The following CBFA2T2 variants were observed in gnomAD, a reference collection of about 807,000 sequenced individuals.
The protein encoded by CBFA2T2 is CBFA2/RUNX1 partner transcriptional co-repressor 2, also known as protein CBFA2T2.
Under a neutral mutation model 62.2 loss-of-function variants are expected in CBFA2T2, and 11 were observed. The ratio of observed to expected loss-of-function variants is 0.18; its 90% CI spans 0.11 to 0.29. The LOEUF is 0.29. Ranked by LOEUF, CBFA2T2 falls within the 10% of genes least tolerant of loss-of-function variation. The probability of loss-of-function intolerance (pLI) is 1.00; values close to 1 mark genes in which losing one functional copy is unlikely to be tolerated. For missense variants in CBFA2T2, 592 were observed against 774.1 expected (o/e 0.76, Z 2.79); for synonymous variants, 295 against 287.5 (o/e 1.03, Z -0.27).
chr20:33,644,241 A>G lies in CBFA2T2; in HGVS notation c.1489-106A>G, dbSNP rs950931295. 2.3e-6 allele frequency: 3 copies of G among 1,303,640 alleles called. No homozygotes were observed. The East Asian group carries it at 7.1e-5, about 31-fold the overall frequency. 80.8% of individuals were successfully genotyped at this position (1,303,640 alleles called of 1,614,324 possible). On this transcript the variant is annotated intron_variant, in intron 10 of 10. Transcript: ENST00000342704. The stretch of plus-strand genomic sequence containing the variant: ...TTGACCACAGGTGTATGTAGTTCCA[A>G]AGCTGGGGTTCTCTACATACAGCCC...
intron 1 of CBFA2T2, among the ~76,000 whole-genome samples, chr20:33,558,070 A>G (rs1162744362): frequency 6.9e-6 from 1 of 145,892 alleles, no homozygotes; most frequent in Admixed American, 6.8e-5. Flanking sequence ...CTCGTGATCC[A>G]CTCGTCTCGG....
At chr20:33,553,528 A>G (rs1342878322) in intron 1 of CBFA2T2, among the ~76,000 whole-genome samples, 1 of 152,220 alleles carries the variant, frequency 6.6e-6, no homozygotes, top group East Asian at 1.9e-4. Context: ...CACCATGCCC[A>G]GCCAGAGTTT....
chr20:33,588,168 A>G (rs2146922417), intron 1 of CBFA2T2, among the ~76,000 whole-genome samples: 1 of 152,304 alleles, frequency 6.6e-6, no homozygotes, highest in East Asian at 1.9e-4. Context: ...CTGTGAAGCC[A>G]TCAACACAAA....
At chr20:33,549,182 A>T (rs1279204010) in intron 1 of CBFA2T2, among the ~76,000 whole-genome samples, 3 of 152,232 alleles carry the variant, frequency 2.0e-5, no homozygotes, top group Non-Finnish European at 4.4e-5. Flanking sequence ...AAAAATTATT[A>T]AAAACTATTT....
intron 1 of CBFA2T2, among the ~76,000 whole-genome samples, chr20:33,514,736 C>T (rs1394883163): frequency 2.0e-5 from 3 of 151,774 alleles, no homozygotes; most frequent in Non-Finnish European, 4.4e-5. Context: ...CTTGCTCTGT[C>T]CTATAGGCTG....
intron 1 of CBFA2T2, among the ~76,000 whole-genome samples, chr20:33,598,352 G>A (rs1444194647): frequency 6.6e-6 from 1 of 152,108 alleles, no homozygotes; most frequent in Admixed American, 6.5e-5. Context: ...ACCTAGGGGG[G>A]CCGTTTATAA....
chr20:33,558,341 A>G (rs370448157), intron 1 of CBFA2T2, among the ~76,000 whole-genome samples: 26 of 152,116 alleles, frequency 1.7e-4, no homozygotes, highest in African/African-American at 6.3e-4. Context: ...CATGTTGGCC[A>G]GGCTGGTCTC....
chr20:33,505,270 A>G (rs1456255043), intron 1 of CBFA2T2, among the ~76,000 whole-genome samples: 1 of 152,210 alleles, frequency 6.6e-6, no homozygotes, highest in Non-Finnish European at 1.5e-5. Flanking sequence ...CCTCAAATTC[A>G]TAAGCAGTGC....
At position 33,636,645 on chromosome 20, in the gene CBFA2T2, CAGAG is replaced by C. The variant is rs750091707; in HGVS notation, c.1239_1242del (p.Arg413SerfsTer23). The stretch of plus-strand genomic sequence containing the variant: ...TTTTTATGTCTCTTCTGCAGATTCT[CAGAG>C]AGAGTTCAACAGCAGGCCAGGTACA... On this transcript the variant is annotated frameshift_variant, in exon 9 of 11. Coordinates refer to ENST00000342704, the MANE Select transcript of CBFA2T2 (RefSeq NM_001032999.3). LOFTEE classifies it high-confidence loss of function. The C allele has an allele frequency of 1.2e-6, 2 of 1,612,992 alleles. No individual in the cohort carries two copies. The highest frequency in any genetic ancestry group is 2.2e-5 in the East Asian group (1 of 44,862).
At chr20:33,534,474 G>A (rs1481810211) in intron 1 of CBFA2T2, among the ~76,000 whole-genome samples, 2 of 151,846 alleles carry the variant, frequency 1.3e-5, no homozygotes, top group African/African-American at 2.4e-5. Flanking sequence ...CACCACGCCC[G>A]GCTAATTTTT....
intron 1 of CBFA2T2, among the ~76,000 whole-genome samples, chr20:33,559,434 A>T (rs2013018446): frequency 6.6e-6 from 1 of 151,996 alleles, no homozygotes; most frequent in Admixed American, 6.6e-5. Context: ...TCAGCCTCCC[A>T]AGGTGCTGGG....
At chr20:33,499,503 T>G (rs917646789) in intron 1 of CBFA2T2, among the ~76,000 whole-genome samples, 2 of 152,196 alleles carry the variant, frequency 1.3e-5, no homozygotes, top group African/African-American at 4.8e-5. Context: ...TGTTTCTGGA[T>G]TTTATTAAGG....
At chr20:33,628,251 G>T in intron 6 of CBFA2T2, 99 bp from the exon 7 acceptor site, 1 of 812,192 alleles carries the variant, frequency 1.2e-6, no homozygotes. Context: ...TTAGTAGTGT[G>T]ATCAAAGTTA....
At position 33,547,445 on chromosome 20, in the gene CBFA2T2, G is replaced by A. The variant is rs146367081; in HGVS notation, c.34+57144G>A. Among the ~76,000 whole-genome samples the A allele has an allele frequency of 6.1e-3, 935 of 152,334 alleles. 5 individuals carry two copies. Among genetic ancestry groups the A allele is most frequent in the Admixed American group, 9.9e-3 (151 of 15,302 alleles). ...ATGGCCAGTGCTGTTGCTCATGCCT[G>A]TAATCCCAGCACTTTGGGAGGCTTA... is the stretch of plus-strand genomic sequence containing the variant. On this transcript the variant is annotated intron_variant, in intron 1 of 10. Coordinates refer to ENST00000342704, the MANE Select transcript of CBFA2T2 (RefSeq NM_001032999.3).
intron 1 of CBFA2T2, among the ~76,000 whole-genome samples, chr20:33,581,269 G>C (rs183837807): frequency 1.3e-5 from 2 of 152,256 alleles, no homozygotes; most frequent in East Asian, 1.9e-4. Context: ...ATGTTGATCA[G>C]GTGGGTCTCA....
intron 1 of CBFA2T2, among the ~76,000 whole-genome samples, chr20:33,565,120 C>T (rs563254968): frequency 1.3e-5 from 2 of 152,164 alleles, no homozygotes; most frequent in African/African-American, 2.4e-5. Flanking sequence ...GGTGTTTCAC[C>T]GTGTTAGCCA....
chr20:33,565,545 A>G (rs1265479435), intron 1 of CBFA2T2, among the ~76,000 whole-genome samples: 1 of 152,192 alleles, frequency 6.6e-6, no homozygotes, highest in Non-Finnish European at 1.5e-5. Flanking sequence ...CATAATAAAT[A>G]AGAAAAAATA....
At chr20:33,593,441 G>A (rs1335245208) in intron 1 of CBFA2T2, among the ~76,000 whole-genome samples, 3 of 137,760 alleles carry the variant, frequency 2.2e-5, no homozygotes, top group African/African-American at 8.1e-5. Context: ...TGTTTCCCAG[G>A]CTGTGCAGTG....
intron 1 of CBFA2T2, among the ~76,000 whole-genome samples, chr20:33,540,312 CATT>C (rs747238444): frequency 6.6e-6 from 1 of 152,108 alleles, no homozygotes; most frequent in Non-Finnish European, 1.5e-5. Flanking sequence ...GATGTACAAA[CATT>C]ATAGAGTGTA....
Sources: gnomAD v4.1 joint callset for allele counts (sites outside exome capture counted in the v4.1 genomes callset) on GRCh38, gnomAD v4.1.1 for gene constraint, MANE v1.5 for transcripts, NCBI Gene and HGNC (gene_info 2026-07-23, HGNC 2026-07-21) for gene names.